The following BORA variants were observed in gnomAD, a reference collection of about 807,000 sequenced individuals.
BORA encodes protein aurora borealis.
BORA carries 26 observed loss-of-function variants against 55.8 expected under a neutral mutation model. That is an observed-to-expected ratio of 0.47 (90% CI 0.34 to 0.65). The LOEUF is 0.65. Ranked by LOEUF, BORA falls within the 30% of genes least tolerant of loss-of-function variation. The probability of loss-of-function intolerance (pLI) is 0.01; values close to 1 mark genes in which losing one functional copy is unlikely to be tolerated. For synonymous variants in BORA, 201 were observed against 216.9 expected (o/e 0.93, Z 0.64); for missense variants, 568 against 671.5 (o/e 0.85, Z 1.70).
rs1465338410 is a variant in BORA at position 72,745,126 on chromosome 13, T to G, written c.657T>G (p.Gly219=). The G allele has an allele frequency of 6.2e-7, 1 of 1,614,124 alleles. No homozygotes were observed. Among genetic ancestry groups the G allele is most frequent in the South Asian group, 1.1e-5 (1 of 91,086 alleles). ...CTTCTCCCGGAAGTCCTCACAGTGG[T>G]GTTCAAACATCACTAGAGATGTTTT... ...PSASPGSPHS[G]VQTSLEMFYS... is the part of the protein sequence containing the mutation. The change falls in exon 8 of 12, where the codon GGT becomes GGG. Residue 219 remains glycine (G), a synonymous_variant. Coordinates refer to ENST00000390667, the MANE Select transcript of BORA (RefSeq NM_024808.5).
chr13:72,735,727 A>G (rs931009374), intron 4 of BORA, among the ~76,000 whole-genome samples: 10 of 152,054 alleles, frequency 6.6e-5, no homozygotes, highest in African/African-American at 2.4e-4. Flanking sequence ...CTCCTGCCTC[A>G]GTCTCCCGAG....
intron 3 of BORA, among the ~76,000 whole-genome samples, chr13:72,731,671 C>T (rs990205426): frequency 1.3e-5 from 2 of 151,112 alleles, no homozygotes; most frequent in Admixed American, 6.6e-5. Flanking sequence ...AAGAGAAGAA[C>T]ATTTTGAAAT....
chr13:72,743,233 G>T (rs1026340585), intron 5 of BORA, among the ~76,000 whole-genome samples: 4 of 152,050 alleles, frequency 2.6e-5, no homozygotes, highest in African/African-American at 9.7e-5. Context: ...TTGTCATAGT[G>T]TATACATATA....
At chr13:72,753,552 G>T (rs2033339501) in intron 10 of BORA, 138 bp from the exon 11 acceptor site, 7 of 869,726 alleles carry the variant, frequency 8.0e-6, no homozygotes, top group South Asian at 1.9e-5. Flanking sequence ...CATTACTTTT[G>T]AATTTTGTTC....
At chr13:72,753,081 A>C (rs888386854) in intron 10 of BORA, 1 of 152,252 alleles carries the variant, frequency 6.6e-6, no homozygotes, top group Non-Finnish European at 1.5e-5. Context: ...GGAGAAAAAA[A>C]TATTAAATAT....
At chr13:72,736,745 C>T (rs569143563) in intron 4 of BORA, among the ~76,000 whole-genome samples, 1 of 152,174 alleles carries the variant, frequency 6.6e-6, no homozygotes, top group South Asian at 2.1e-4. Context: ...CCATATTGCC[C>T]TCCTAAAAGG....
Position 72,734,956 on chromosome 13 carries a change from A to G in BORA, c.261-4A>G, listed in dbSNP as rs1191443500. On this transcript the variant is annotated splice_polypyrimidine_tract_variant and splice_region_variant and intron_variant, in intron 3 of 11. Transcript: ENST00000390667. ...GGTTATTTTTCTTCTTTATCTTTGT[A>G]TAGAATAGATAAAGATGTGGAAGAC... 1.9e-6 allele frequency: 3 copies of G among 1,562,838 alleles called. No individual in the cohort carries two copies. Among genetic ancestry groups the G allele is most frequent in the Admixed American group, 3.4e-5 (2 of 59,276 alleles).
Position 72,744,983 on chromosome 13 carries a change from G to A in BORA, c.514G>A (p.Asp172Asn). The A allele has an allele frequency of 1.9e-6, 3 of 1,612,664 alleles. No individual in the cohort carries two copies. Among genetic ancestry groups the A allele is most frequent in the Non-Finnish European group, 2.5e-6 (3 of 1,179,066 alleles). The change falls in exon 8 of 12, where the codon GAC (aspartate) becomes AAC (asparagine). Residue 172 changes from aspartate to asparagine, a missense_variant and splice_region_variant. Asp to Asn is a conservative substitution (Grantham distance 23). Coordinates refer to ENST00000390667, the MANE Select transcript of BORA (RefSeq NM_024808.5). Reference protein sequence around the residue: ...VDFNLENILGDYFRADEFADQ... With the variant: ...VDFNLENILGNYFRADEFADQ... ...TTTTCTCCTATTATTAAATATAGGTGACTATTTTAGAGCTGATGAATTTGC... is the reference window on the plus strand; with the variant it reads ...TTTTCTCCTATTATTAAATATAGGTAACTATTTTAGAGCTGATGAATTTGC...
intron 7 of BORA, 85 bp downstream of exon 7, chr13:72,744,646 A>C: frequency 9.6e-7 from 1 of 1,039,808 alleles, no homozygotes; most frequent in Non-Finnish European, 1.4e-6. Context: ...AACATGGGAA[A>C]TATGTGGCAG....
In BORA at chr13:72,727,989, C is replaced by T. The variant is rs755064926; in HGVS notation, c.-34C>T. ...AGCTCCCTGGAGTCGGTACTGGGGG[C>T]TTCGTTTTGTACGCACCGGTAGGTA... On this transcript the variant is annotated 5_prime_UTR_variant, in exon 1 of 12. Transcript: ENST00000390667. The T allele has an allele frequency of 1.3e-6, 2 of 1,546,602 alleles. No individual in the cohort carries two copies. Among genetic ancestry groups the T allele is most frequent in the Non-Finnish European group, 1.7e-6 (2 of 1,146,058 alleles).
chr13:72,738,267 TTGTGAATGTCAG>T (rs2032972818), intron 5 of BORA, among the ~76,000 whole-genome samples: 1 of 152,148 alleles, frequency 6.6e-6, no homozygotes, highest in Admixed American at 6.5e-5. Flanking sequence ...TTCATGACTA[TTGTGAATGTCAG>T]TTATAATGAT....
intron 4 of BORA, 42 bp downstream of exon 4, chr13:72,735,047 A>G (rs777046557): frequency 2.7e-5 from 39 of 1,441,440 alleles, no homozygotes; most frequent in Admixed American, 3.5e-5. Flanking sequence ...GTTAAGGATC[A>G]ATTCTGCATG....
intron 3 of BORA, 40 bp downstream of exon 3, chr13:72,731,427 T>A: frequency 7.3e-7 from 1 of 1,363,986 alleles, no homozygotes; most frequent in South Asian, 1.2e-5. Context: ...AATAACACTC[T>A]CAAGTGAAGA....
chr13:72,752,832 G>A (rs2033313896), intron 10 of BORA: 1 of 152,176 alleles, frequency 6.6e-6, no homozygotes, highest in South Asian at 2.1e-4. Flanking sequence ...CAAAATGACA[G>A]TCAGCTTTTT....
rs1179585325 is a variant in BORA at position 72,744,542 on chromosome 13, T to C, written c.492T>C (p.Phe164=). 6.2e-7 allele frequency: 1 copy of C among 1,609,884 alleles called. No homozygotes were observed. The highest frequency in any genetic ancestry group is 1.1e-5 in the South Asian group (1 of 90,848). The part of the protein sequence containing the change: ...CQTLLSLPVD[F]NLENILGDYF... ...CATTGCTGTCTCTTCCTGTGGATTT[T>C]AATTTAGAAAATATATTAGGTAAAT... The change falls in exon 7 of 12, where the codon TTT becomes TTC. Residue 164 remains phenylalanine, a synonymous_variant. Transcript: ENST00000390667.
At chr13:72,729,884 T>C (rs189190574) in intron 2 of BORA, among the ~76,000 whole-genome samples, 94 of 152,266 alleles carry the variant, frequency 6.2e-4, no homozygotes, top group Admixed American at 1.1e-3. Context: ...ATAGGTGATA[T>C]GATTAGTACT....
At position 72,747,107 on chromosome 13, in the gene BORA, T is replaced by C. The variant is rs1443060211; in HGVS notation, c.1478T>C (p.Ile493Thr). ...SSVIPCESSN[I>T]QMDSGYNTQN... ...GTCATTCCTTGTGAAAGCAGTAACA[T>C]TCAGGTAAGGTATTTAATATTCTAT... Residue 493 changes from isoleucine to threonine, a missense_variant, in exon 10 of 12, where the codon ATT becomes ACT. Physicochemically the swap from Ile to Thr is moderately conservative, Grantham distance 89. Transcript: ENST00000390667. 2.5e-6 allele frequency: 4 copies of C among 1,613,006 alleles called. No individual in the cohort carries two copies. Among genetic ancestry groups the C allele is most frequent in the Non-Finnish European group, 3.4e-6 (4 of 1,179,764 alleles).
chr13:72,745,374 A>G (rs561367950), intron 8 of BORA, among the ~76,000 whole-genome samples, 167 bp downstream of exon 8: 1 of 152,332 alleles, frequency 6.6e-6, no homozygotes, highest in Non-Finnish European at 1.5e-5. Context: ...TGGCCTAACC[A>G]GAAACAGAAA....
intron 5 of BORA, among the ~76,000 whole-genome samples, chr13:72,739,289 G>GT (rs1351087398): frequency 1.3e-5 from 2 of 152,114 alleles, no homozygotes; most frequent in Non-Finnish European, 2.9e-5. Flanking sequence ...CAAGTATCCT[G>GT]TTTTAGTTCA....
Sources: gnomAD v4.1 joint callset for allele counts (sites outside exome capture counted in the v4.1 genomes callset) on GRCh38, gnomAD v4.1.1 for gene constraint, MANE v1.5 for transcripts, NCBI Gene and HGNC (gene_info 2026-07-23, HGNC 2026-07-21) for gene names.